Variants in FAAH2 observed in about 807,000 individuals in gnomAD.
The protein encoded by FAAH2 is fatty acid amide hydrolase 2.
Under a neutral mutation model 36.9 loss-of-function variants are expected in FAAH2, and 60 were observed. The observed-to-expected ratio is 1.63, with a 90% CI of 1.32 to 2.02. The LOEUF is 2.02. Ranked by LOEUF, FAAH2 falls within the 30% of genes most tolerant of loss-of-function variation. FAAH2 has a pLI of 0.00. For missense variants in FAAH2, 689 were observed against 397.5 expected (o/e 1.73, Z -6.23); for synonymous variants, 214 against 143.8 (o/e 1.49, Z -3.49).
At chrX:57,352,099 T>TACAC (rs769553008) in intron 5 of FAAH2, among the ~76,000 whole-genome samples, 6,374 of 14,727 alleles carry the variant, frequency 0.43, 1,264 homozygotes, top group Non-Finnish European at 0.58. Context: ...TATGCACATA[T>TACAC]ATATATATGT....
chrX:57,269,194 ACCC>A, the FAAH2 span, among the ~76,000 whole-genome samples: 2 of 111,787 alleles, frequency 1.8e-5, no homozygotes, highest in Admixed American at 1.9e-4. Flanking sequence ...AAATATATGC[ACCC>A]AACACAGGAG....
chrX:57,418,389 G>A (rs764697143), intron 7 of FAAH2, among the ~76,000 whole-genome samples: 18 of 111,660 alleles, frequency 1.6e-4, no homozygotes, highest in Non-Finnish European at 3.2e-4. Flanking sequence ...CTGGTCTGTG[G>A]GTTTTGAAGA....
chrX:57,474,475 T>C (rs897175317), intron 10 of FAAH2, among the ~76,000 whole-genome samples: 3 of 111,523 alleles, frequency 2.7e-5, no homozygotes, highest in Admixed American at 1.9e-4. Flanking sequence ...TTTATGTTCC[T>C]GTGTTAGTTT....
At chrX:57,352,069 CATATATATATGTGTATATATATGCACAT>C (rs1341475305) in intron 5 of FAAH2, among the ~76,000 whole-genome samples, 28 of 15,760 alleles carry the variant, frequency 1.8e-3, no homozygotes, top group African/African-American at 7.8e-3. Context: ...TATATATACA[CATATATATATGTGTATATATATGCACAT>C]ATATATATAT....
At chrX:57,446,263 G>T (rs1048767917) in intron 8 of FAAH2, among the ~76,000 whole-genome samples, 4 of 111,817 alleles carry the variant, frequency 3.6e-5, no homozygotes, top group Non-Finnish European at 7.5e-5. Context: ...TTGATATTTT[G>T]TTAAAACCAG....
chrX:57,294,112 T>A (rs1285701228), intron 2 of FAAH2, among the ~76,000 whole-genome samples: 1 of 112,093 alleles, frequency 8.9e-6, no homozygotes, highest in East Asian at 2.8e-4. Flanking sequence ...AAAATATGTG[T>A]AAAGCACCTA....
chrX:57,149,180 T>C, the FAAH2 span, among the ~76,000 whole-genome samples: 1 of 111,936 alleles, frequency 8.9e-6, no homozygotes, highest in Admixed American at 9.5e-5. Context: ...TGAGGATTTT[T>C]GCATCAGTGT....
intron 7 of FAAH2, among the ~76,000 whole-genome samples, chrX:57,430,829 C>T (rs1238776020): frequency 2.7e-5 from 3 of 111,633 alleles, no homozygotes; most frequent in Non-Finnish European, 5.6e-5. Context: ...TCTTCAAAGA[C>T]GATAGGGTTC....
chrX:57,248,202 G>A, the FAAH2 span, among the ~76,000 whole-genome samples: 3 of 112,264 alleles, frequency 2.7e-5, no homozygotes, highest in East Asian at 5.6e-4. Context: ...TTACTGAGTA[G>A]CAAAATTGTA....
chrX:57,415,233 G>A (rs2055810866), intron 7 of FAAH2, among the ~76,000 whole-genome samples: 1 of 110,124 alleles, frequency 9.1e-6, no homozygotes, highest in Non-Finnish European at 1.9e-5. Context: ...CTTCAGTTCT[G>A]CACTGATCTT....
the FAAH2 span, among the ~76,000 whole-genome samples, chrX:57,122,508 G>T: frequency 1.8e-5 from 2 of 112,258 alleles, no homozygotes; most frequent in Non-Finnish European, 3.8e-5. Context: ...AATAATTAAA[G>T]TTATAGTTTT....
chrX:57,172,802 G>T, the FAAH2 span, among the ~76,000 whole-genome samples: 2 of 111,620 alleles, frequency 1.8e-5, no homozygotes, highest in East Asian at 5.7e-4. Flanking sequence ...CTGCTGGTGT[G>T]CTCCTACACT....
chrX:57,309,524 C>T (rs1438767620), intron 2 of FAAH2, among the ~76,000 whole-genome samples: 1 of 111,337 alleles, frequency 9.0e-6, no homozygotes, highest in Admixed American at 9.6e-5. Context: ...ACAAGGTAAA[C>T]GTGTACCATG....
At chrX:57,220,815 C>T in the FAAH2 span, among the ~76,000 whole-genome samples, 4 of 111,657 alleles carry the variant, frequency 3.6e-5, no homozygotes, top group East Asian at 1.1e-3. Context: ...CACTGGAAGT[C>T]GGACTGTAAG....
At chrX:57,155,866 A>G in the FAAH2 span, among the ~76,000 whole-genome samples, 1 of 110,827 alleles carries the variant, frequency 9.0e-6, no homozygotes, top group African/African-American at 3.3e-5. Context: ...CTTCTCCTCT[A>G]CCCCTGTATT....
At chrX:57,428,725 A>C (rs1354110016) in intron 7 of FAAH2, among the ~76,000 whole-genome samples, 1 of 112,062 alleles carries the variant, frequency 8.9e-6, no homozygotes. Flanking sequence ...CTCTCACCAT[A>C]TGCAAAAATT....
chrX:57,160,828 T>G, the FAAH2 span, among the ~76,000 whole-genome samples: 1 of 112,310 alleles, frequency 8.9e-6, no homozygotes, highest in Non-Finnish European at 1.9e-5. Flanking sequence ...ATTGATTGAT[T>G]TTTTGAAGGG....
intron 10 of FAAH2, among the ~76,000 whole-genome samples, chrX:57,467,836 A>G (rs1569365144): frequency 8.9e-6 from 1 of 111,929 alleles, no homozygotes; most frequent in Non-Finnish European, 1.9e-5. Flanking sequence ...AGCCTAACTG[A>G]GAGACACCCC....
chrX:57,270,392 A>C, the FAAH2 span, among the ~76,000 whole-genome samples: 1 of 112,055 alleles, frequency 8.9e-6, no homozygotes, highest in Non-Finnish European at 1.9e-5. Context: ...CCTGATAGCA[A>C]AACCTGGCAG....
Sources: gnomAD v4.1 joint callset for allele counts (sites outside exome capture counted in the v4.1 genomes callset) on GRCh38, gnomAD v4.1.1 for gene constraint, MANE v1.5 for transcripts, NCBI Gene and HGNC (gene_info 2026-07-23, HGNC 2026-07-21) for gene names.